The following DMRT1 variants were observed in gnomAD, a reference collection of about 807,000 sequenced individuals.
DMRT1 encodes doublesex- and mab-3-related transcription factor 1.
In DMRT1, 7 loss-of-function variants were observed where a neutral mutation model predicts 32.3. That is an observed-to-expected ratio of 0.22 (90% CI 0.12 to 0.41). The LOEUF is 0.41. Ranked by LOEUF, DMRT1 falls within the 10% of genes least tolerant of loss-of-function variation. DMRT1 has a pLI of 1.00. For missense variants in DMRT1, 625 were observed against 500.5 expected (o/e 1.25, Z -2.37); for synonymous variants, 278 against 206.1 (o/e 1.35, Z -2.99).
At chr9:897,488 C>T (rs1324522585) in intron 3 of DMRT1, among the ~76,000 whole-genome samples, 2 of 151,656 alleles carry the variant, frequency 1.3e-5, no homozygotes, top group Admixed American at 6.6e-5. Flanking sequence ...ATGCAATGAT[C>T]TGTGGAACTG....
At position 916,876 on chromosome 9, in the gene DMRT1, T is replaced by G. The variant is rs150547579; in HGVS notation, c.936T>G (p.Asp312Glu). 3.3e-5 allele frequency: 53 copies of G among 1,614,064 alleles called. No homozygotes were observed. Among genetic ancestry groups the G allele is most frequent in the Non-Finnish European group, 4.4e-5 (52 of 1,180,044 alleles). The change falls in exon 4 of 5, where the codon GAT (aspartate) becomes GAG (glutamate). Residue 312 changes from aspartate (D) to glutamate (E), a missense_variant. Physicochemically the swap from Asp to Glu is conservative, Grantham distance 45 (BLOSUM62 2). This residue lies in a region of DMRT1 where 416 missense variants were observed against 321.6 expected (regional missense o/e 1.29). Coordinates refer to ENST00000382276, the MANE Select transcript of DMRT1 (RefSeq NM_021951.3). Reference sequence around the variant, plus strand: ...TGCCCCAGTTCTTCACTTTTGAGGATGCTCCCTCTTACCCGGAAGCCAGGG... The same window carrying G: ...TGCCCCAGTTCTTCACTTTTGAGGAGGCTCCCTCTTACCCGGAAGCCAGGG... ...QSVPQFFTFE[D>E]APSYPEARAS...
intron 2 of DMRT1, among the ~76,000 whole-genome samples, chr9:861,083 G>A (rs1372982448): frequency 9.3e-6 from 1 of 107,448 alleles, no homozygotes; most frequent in Non-Finnish European, 1.9e-5. Context: ...AGTATTTATT[G>A]ATCATTCTTG....
At chr9:884,648 C>T (rs1023691858) in intron 2 of DMRT1, among the ~76,000 whole-genome samples, 4 of 152,088 alleles carry the variant, frequency 2.6e-5, no homozygotes, top group African/African-American at 9.7e-5. Context: ...TCTTATTGCA[C>T]AAATTAGGAG....
At chr9:957,417 A>G (rs1819634466) in intron 4 of DMRT1, among the ~76,000 whole-genome samples, 1 of 152,232 alleles carries the variant, frequency 6.6e-6, no homozygotes, top group Non-Finnish European at 1.5e-5. Flanking sequence ...AGTCTTATGC[A>G]ATGTATAGAA....
At chr9:895,854 G>T (rs975699433) in intron 3 of DMRT1, among the ~76,000 whole-genome samples, 1 of 148,726 alleles carries the variant, frequency 6.7e-6, no homozygotes, top group Non-Finnish European at 1.5e-5. Flanking sequence ...CACCCAGCTG[G>T]AGTACAGTGG....
At chr9:966,358 A>T (rs562342462) in intron 4 of DMRT1, among the ~76,000 whole-genome samples, 10 of 152,306 alleles carry the variant, frequency 6.6e-5, no homozygotes, top group South Asian at 2.1e-4. Flanking sequence ...ATTAAAAAAA[A>T]ATATTTTCCT....
At chr9:890,740 A>C (rs1288398966) in intron 2 of DMRT1, among the ~76,000 whole-genome samples, 1 of 152,048 alleles carries the variant, frequency 6.6e-6, no homozygotes, top group East Asian at 1.9e-4. Flanking sequence ...TTTGAGACAG[A>C]GTCTCATTCT....
chr9:871,195 C>T (rs1816233656), intron 2 of DMRT1, among the ~76,000 whole-genome samples: 1 of 151,252 alleles, frequency 6.6e-6, no homozygotes, highest in Non-Finnish European at 1.5e-5. Context: ...ACCACCATGC[C>T]CGGCTAATTT....
intron 2 of DMRT1, among the ~76,000 whole-genome samples, chr9:865,930 A>C (rs34733347): frequency 0.22 from 34,125 of 151,950 alleles, 4,217 homozygotes; most frequent in East Asian, 0.41. Flanking sequence ...TTGGGAGGCC[A>C]AGGTGGGCGG....
At chr9:905,815 C>T (rs780546402) in intron 3 of DMRT1, among the ~76,000 whole-genome samples, 69 of 152,060 alleles carry the variant, frequency 4.5e-4, no homozygotes, top group Non-Finnish European at 7.1e-4. Context: ...GAAACTGGGG[C>T]TCAGGGAGAT....
At chr9:854,309 C>G (rs534010751) in intron 2 of DMRT1, among the ~76,000 whole-genome samples, 7 of 151,892 alleles carry the variant, frequency 4.6e-5, no homozygotes, top group African/African-American at 1.7e-4. Context: ...TTTTGGGAAA[C>G]AGAGTCTCAC....
intron 4 of DMRT1, among the ~76,000 whole-genome samples, chr9:956,795 G>C (rs961738221): frequency 6.6e-6 from 1 of 152,026 alleles, no homozygotes; most frequent in Admixed American, 6.6e-5. Context: ...TCAGAGCCTC[G>C]CTCTCTTGAC....
chr9:897,968 G>A (rs1817436275), intron 3 of DMRT1, among the ~76,000 whole-genome samples: 2 of 152,070 alleles, frequency 1.3e-5, no homozygotes, highest in African/African-American at 4.8e-5. Context: ...AAATGATAAT[G>A]GTGCAAAATG....
At chr9:857,670 C>G (rs1210582265) in intron 2 of DMRT1, among the ~76,000 whole-genome samples, 1 of 151,708 alleles carries the variant, frequency 6.6e-6, no homozygotes, top group Admixed American at 6.6e-5. Context: ...TACATGTGCA[C>G]AACGTGCAGG....
chr9:845,392 G>C (rs1838863863), intron 1 of DMRT1, among the ~76,000 whole-genome samples: 1 of 151,810 alleles, frequency 6.6e-6, no homozygotes, highest in African/African-American at 2.4e-5. Flanking sequence ...ATTTTTAGTA[G>C]AGATGGGGTT....
intron 2 of DMRT1, among the ~76,000 whole-genome samples, chr9:890,859 T>TA (rs1359617035): frequency 2.0e-5 from 3 of 152,072 alleles, no homozygotes; most frequent in Non-Finnish European, 4.4e-5. Context: ...GGTCTACAGG[T>TA]ACGCACCACC....
rs544228278 is a variant in DMRT1 at position 842,442 on chromosome 9, G to C, written c.354+250G>C. On this transcript the variant is annotated intron_variant, in intron 1 of 4. Coordinates refer to ENST00000382276, the MANE Select transcript of DMRT1 (RefSeq NM_021951.3). The stretch of plus-strand genomic sequence containing the variant: ...TAGAGACGGGGGTTTCACCATATTG[G>C]TCAGGCCGGTCTCGAGCTCCTGACC... 3 of 526,770 alleles carry C rather than the reference G, an allele frequency of 5.7e-6. No homozygotes were observed. The South Asian group carries it at 6.5e-5, about 11-fold the overall frequency. 32.6% of individuals were successfully genotyped at this position (526,770 alleles called of 1,614,324 possible).
intron 4 of DMRT1, among the ~76,000 whole-genome samples, chr9:967,633 C>T (rs1382172700): frequency 1.3e-5 from 2 of 152,160 alleles, no homozygotes; most frequent in Non-Finnish European, 1.5e-5. Context: ...TGACAAGTTT[C>T]ATCAGCATAC....
chr9:860,762 A>G (rs1411762388), intron 2 of DMRT1, among the ~76,000 whole-genome samples: 1 of 152,222 alleles, frequency 6.6e-6, no homozygotes, highest in Non-Finnish European at 1.5e-5. Context: ...CTCTCTAAGG[A>G]AGTTAAGTCA....
Sources: allele counts gnomAD v4.1 joint callset (sites outside exome capture counted in the v4.1 genomes callset), GRCh38; gene constraint gnomAD v4.1.1; regional missense constraint gnomAD v4.1.1; transcripts MANE v1.5; gene names NCBI Gene and HGNC (gene_info 2026-07-23, HGNC 2026-07-21).